The following CDH13 variants were observed in gnomAD, a reference collection of about 807,000 sequenced individuals.
CDH13 encodes the protein cadherin-13.
Under a neutral mutation model 63.8 loss-of-function variants are expected in CDH13, and 24 were observed. The observed-to-expected ratio is 0.38, with a 90% CI of 0.27 to 0.53. CDH13 has a LOEUF of 0.53. CDH13 is among the 20% of genes least tolerant of loss of function. The pLI is 0.85. For synonymous variants in CDH13, 503 were observed against 355.3 expected (o/e 1.42, Z -4.67); for missense variants, 1,049 against 903.1 (o/e 1.16, Z -2.07).
chr16:83,626,521 C>T (rs952463789), intron 8 of CDH13, among the ~76,000 whole-genome samples: 1 of 152,146 alleles, frequency 6.6e-6, no homozygotes, highest in African/African-American at 2.4e-5. Flanking sequence ...GAATGCAAGT[C>T]ACAAATGTGT....
At chr16:83,268,748 T>G (rs140853399) in intron 5 of CDH13, among the ~76,000 whole-genome samples, 65 of 152,300 alleles carry the variant, frequency 4.3e-4, no homozygotes, top group African/African-American at 1.5e-3. Context: ...GAAATAGGAT[T>G]TATATAGTCC....
At chr16:82,960,842 A>G (rs549765426) in intron 2 of CDH13, among the ~76,000 whole-genome samples, 3 of 152,288 alleles carry the variant, frequency 2.0e-5, no homozygotes, top group African/African-American at 7.2e-5. Context: ...TGTTAATACA[A>G]ATAAGTCTAT....
chr16:82,955,685 A>G (rs776415118), intron 2 of CDH13, among the ~76,000 whole-genome samples: 3 of 152,152 alleles, frequency 2.0e-5, no homozygotes, highest in Non-Finnish European at 4.4e-5. Context: ...TGTGTTAGAG[A>G]AAAATAAACT....
intron 7 of CDH13, among the ~76,000 whole-genome samples, chr16:83,559,159 G>A (rs531789660): frequency 9.2e-5 from 14 of 152,330 alleles, no homozygotes; most frequent in South Asian, 6.2e-4. Flanking sequence ...ACTGTATTCT[G>A]AAAAGTTAAG....
intron 4 of CDH13, among the ~76,000 whole-genome samples, chr16:83,164,082 A>G (rs2037559684): frequency 6.6e-6 from 1 of 152,110 alleles, no homozygotes; most frequent in Non-Finnish European, 1.5e-5. Context: ...CTGATCGGGA[A>G]AAAAATGAAA....
At chr16:83,719,851 G>C (rs572538074) in intron 10 of CDH13, among the ~76,000 whole-genome samples, 1 of 152,270 alleles carries the variant, frequency 6.6e-6, no homozygotes, top group African/African-American at 2.4e-5. Context: ...CCCACTCACT[G>C]TGGGGCAGAA....
chr16:83,079,150 A>C (rs899030048), intron 3 of CDH13, among the ~76,000 whole-genome samples: 1 of 152,136 alleles, frequency 6.6e-6, no homozygotes. Flanking sequence ...GTTGTTTATT[A>C]TATGTGGCCA....
In CDH13 at chr16:82,654,073, A is replaced by G. The variant is rs376617937; in HGVS notation, c.45+26936A>G. On this transcript the variant is annotated intron_variant, in intron 1 of 13. Transcript: ENST00000567109. ...GAGAGAGGATTCCCCTTATGACATA[A>G]AGCCGCAAAAATTCTCATTAGTCAT... is the stretch of plus-strand genomic sequence containing the variant. Among the ~76,000 whole-genome samples, 13 of 152,246 alleles carry G rather than the reference A, an allele frequency of 8.5e-5. No individual in the cohort carries two copies. The East Asian group carries it at 1.9e-3, about 23-fold the overall frequency.
chr16:83,105,968 A>G (rs2151611463), intron 3 of CDH13, among the ~76,000 whole-genome samples: 1 of 152,358 alleles, frequency 6.6e-6, no homozygotes, highest in South Asian at 2.1e-4. Flanking sequence ...TGTGGTTGGG[A>G]CCACAAAAGT....
chr16:83,326,339 A>G (rs187134269), intron 5 of CDH13, among the ~76,000 whole-genome samples: 2 of 152,026 alleles, frequency 1.3e-5, no homozygotes, highest in African/African-American at 4.8e-5. Flanking sequence ...ATATTCTTTA[A>G]GGGGTAGCAT....
intron 5 of CDH13, among the ~76,000 whole-genome samples, chr16:83,237,307 T>C (rs1390983629): frequency 6.6e-6 from 1 of 152,148 alleles, no homozygotes; most frequent in Non-Finnish European, 1.5e-5. Context: ...CACACTTGTG[T>C]CTTTGCTGTC....
At chr16:82,732,661 A>G (rs1213843831) in intron 1 of CDH13, among the ~76,000 whole-genome samples, 1 of 152,244 alleles carries the variant, frequency 6.6e-6, no homozygotes, top group Non-Finnish European at 1.5e-5. Flanking sequence ...AAAAGCCAGC[A>G]GCAGTTAATT....
intron 7 of CDH13, among the ~76,000 whole-genome samples, chr16:83,534,209 A>G (rs985436465): frequency 6.6e-6 from 1 of 152,194 alleles, no homozygotes; most frequent in Non-Finnish European, 1.5e-5. Flanking sequence ...TACAAATGAA[A>G]TATGCAAAGA....
chr16:83,673,548 C>T (rs1301110925), intron 9 of CDH13, among the ~76,000 whole-genome samples: 1 of 150,658 alleles, frequency 6.6e-6, no homozygotes, highest in Admixed American at 6.6e-5. Flanking sequence ...CCAACCTTGG[C>T]AACAGAGTGA....
intron 10 of CDH13, among the ~76,000 whole-genome samples, chr16:83,698,040 A>T (rs1905654533): frequency 6.6e-6 from 1 of 152,156 alleles, no homozygotes; most frequent in African/African-American, 2.4e-5. Flanking sequence ...CCCACACTAA[A>T]CTGTAAACCC....
rs1214342552 is a variant in CDH13 at position 83,559,810 on chromosome 16, C to T, written c.961-42644C>T. Among the ~76,000 whole-genome samples the T allele has an allele frequency of 1.3e-5, 2 of 152,264 alleles. 1 individual carries two copies. The highest frequency in any genetic ancestry group is 4.8e-5 in the African/African-American group (2 of 41,560). On this transcript the variant is annotated intron_variant, in intron 7 of 13. Transcript: ENST00000567109. ...GGATTGGAAGCCAAGAAGCCGAAGG[C>T]ACCACAGCGTCTTTTTGAAACTTGG...
intron 6 of CDH13, among the ~76,000 whole-genome samples, chr16:83,356,873 G>A (rs1245793864): frequency 6.6e-6 from 1 of 152,160 alleles, no homozygotes; most frequent in South Asian, 2.1e-4. Flanking sequence ...TAAAAACCAA[G>A]TATAGTACCC....
intron 6 of CDH13, among the ~76,000 whole-genome samples, chr16:83,429,270 G>T (rs899596874): frequency 1.3e-5 from 2 of 152,124 alleles, no homozygotes; most frequent in Admixed American, 1.3e-4. Flanking sequence ...TCTAAGATTG[G>T]TCCAGAGCAG....
chr16:83,341,666 C>T (rs919718971), intron 5 of CDH13, among the ~76,000 whole-genome samples: 1 of 152,140 alleles, frequency 6.6e-6, no homozygotes, highest in African/African-American at 2.4e-5. Flanking sequence ...AAGAAAATGT[C>T]TTCATTCTTC....
Sources: gnomAD v4.1 joint callset for allele counts (sites outside exome capture counted in the v4.1 genomes callset) on GRCh38, gnomAD v4.1.1 for gene constraint, MANE v1.5 for transcripts, NCBI Gene and HGNC (gene_info 2026-07-23, HGNC 2026-07-21) for gene names.